BABAM2: variants seen among roughly 807,000 people sequenced by gnomAD.
BABAM2 encodes BRISC and BRCA1-A complex member 2.
BABAM2 carries 31 observed loss-of-function variants against 54.7 expected under a neutral mutation model. That is an observed-to-expected ratio of 0.57 (90% CI 0.43 to 0.77). The LOEUF (loss-of-function observed/expected upper bound fraction) is 0.77, where lower values mean the gene tolerates loss of function less well. Among genes scored for constraint, BABAM2 ranks in the 30% least tolerant of loss-of-function variants. The pLI is 0.00. For synonymous variants in BABAM2, 167 were observed against 162.9 expected (o/e 1.03, Z -0.19); for missense variants, 364 against 455.8 (o/e 0.80, Z 1.83).
intron 11 of BABAM2, among the ~76,000 whole-genome samples, chr2:28,320,458 C>T (rs1689936394): frequency 6.6e-6 from 1 of 152,234 alleles, no homozygotes; most frequent in South Asian, 2.1e-4. Flanking sequence ...GCAGTGGGAG[C>T]CCAGTGAAGT....
At chr2:28,031,845 A>G (rs189635566) in intron 5 of BABAM2, among the ~76,000 whole-genome samples, 1 of 152,200 alleles carries the variant, frequency 6.6e-6, no homozygotes, top group Non-Finnish European at 1.5e-5. Flanking sequence ...TGACTGGGGA[A>G]AACTTAGGGA....
intron 3 of BABAM2, among the ~76,000 whole-genome samples, chr2:27,939,441 AATGC>A (rs1303126324): frequency 6.6e-6 from 1 of 152,248 alleles, no homozygotes; most frequent in Non-Finnish European, 1.5e-5. Flanking sequence ...AAATAGAATG[AATGC>A]ATGCATGCAT....
chr2:27,945,492 C>T (rs955859585), intron 3 of BABAM2, among the ~76,000 whole-genome samples: 2 of 152,136 alleles, frequency 1.3e-5, no homozygotes, highest in East Asian at 1.9e-4. Flanking sequence ...TAGTATAAGT[C>T]CTGTAACTTC....
chr2:28,173,198 C>T (rs1460694714), intron 7 of BABAM2, among the ~76,000 whole-genome samples: 4 of 152,202 alleles, frequency 2.6e-5, no homozygotes, highest in South Asian at 2.1e-4. Flanking sequence ...CATTTCATAA[C>T]ACCTCCCTTG....
intron 7 of BABAM2, among the ~76,000 whole-genome samples, chr2:28,227,695 A>G (rs1220717880): frequency 6.6e-6 from 1 of 152,110 alleles, no homozygotes; most frequent in East Asian, 1.9e-4. Flanking sequence ...TGGGAGGCAC[A>G]TTTGCATTGA....
chr2:27,983,552 T>C (rs1672169968), intron 3 of BABAM2, among the ~76,000 whole-genome samples: 1 of 152,166 alleles, frequency 6.6e-6, no homozygotes, highest in Admixed American at 6.6e-5. Flanking sequence ...TTGGGTTGTG[T>C]TGCCATTTTA....
rs1018785235 is a variant in BABAM2 at position 28,244,812 on chromosome 2, C to T, written c.884C>T (p.Thr295Ile). 1 of 1,613,952 alleles carries T rather than the reference C, an allele frequency of 6.2e-7. No individual in the cohort carries two copies. The highest frequency in any genetic ancestry group is 1.3e-5 in the African/African-American group (1 of 75,004). Residue 295 changes from threonine (T) to isoleucine (I), a missense_variant, in exon 10 of 12, where the codon ACA (threonine) becomes ATA (isoleucine). By Grantham distance (89) the Thr-to-Ile change is moderately conservative. Coordinates refer to ENST00000379624, the MANE Select transcript of BABAM2 (RefSeq NM_199191.3). ...GVVEYDAEGF[T>I]KLTLLLMWKD... Reference sequence around the variant, plus strand: ...GTGGAATATGATGCAGAAGGCTTTACAAAACTCACTCTGCTGCTGATGTGG... The same window carrying T: ...GTGGAATATGATGCAGAAGGCTTTATAAAACTCACTCTGCTGCTGATGTGG...
intron 6 of BABAM2, among the ~76,000 whole-genome samples, chr2:28,085,624 C>T (rs999814899): frequency 1.3e-5 from 2 of 152,118 alleles, no homozygotes; most frequent in Non-Finnish European, 2.9e-5. Context: ...CTAATGACCT[C>T]TCTAAAATTT....
intron 2 of BABAM2, among the ~76,000 whole-genome samples, chr2:27,925,776 C>T (rs2148341364): frequency 6.6e-6 from 1 of 152,306 alleles, no homozygotes. Context: ...CCTCTGTGAC[C>T]CTGTTCGTTC....
At chr2:28,038,779 CA>C (rs1676856635) in intron 5 of BABAM2, among the ~76,000 whole-genome samples, 1 of 152,138 alleles carries the variant, frequency 6.6e-6, no homozygotes, top group African/African-American at 2.4e-5. Flanking sequence ...AAATCCAGTT[CA>C]CCACTGATGG....
At chr2:28,005,473 A>G (rs1317782550) in intron 4 of BABAM2, among the ~76,000 whole-genome samples, 3 of 152,102 alleles carry the variant, frequency 2.0e-5, no homozygotes, top group African/African-American at 7.2e-5. Flanking sequence ...TGCCCTGTGA[A>G]AATTTTCTTT....
chr2:27,959,139 T>C (rs1506536), intron 3 of BABAM2, among the ~76,000 whole-genome samples: 68,305 of 152,006 alleles, frequency 0.45, 15,986 homozygotes, highest in South Asian at 0.65. Flanking sequence ...GTTGCTTCTA[T>C]AAAAGTAAGA....
intron 1 of BABAM2, chr2:27,892,494 G>A (rs1281190306): frequency 6.6e-6 from 1 of 152,168 alleles, no homozygotes; most frequent in African/African-American, 2.4e-5. Context: ...TTTGTACTTA[G>A]CATATGACTT....
intron 6 of BABAM2, among the ~76,000 whole-genome samples, chr2:28,054,769 C>T (rs539976069): frequency 2.0e-5 from 3 of 152,290 alleles, no homozygotes; most frequent in Admixed American, 6.5e-5. Context: ...TTGTTAGCTA[C>T]GCAGTTTATA....
chr2:28,071,230 C>T (rs943831980), intron 6 of BABAM2, among the ~76,000 whole-genome samples: 4 of 152,132 alleles, frequency 2.6e-5, no homozygotes, highest in African/African-American at 4.8e-5. Context: ...GTTTTAAATT[C>T]GATGTCTTTT....
rs1573176561 is a variant in BABAM2, at chr2:27,923,233, A to G, written c.129-6599A>G. On this transcript the variant is annotated intron_variant, in intron 2 of 11. Coordinates refer to ENST00000379624, the MANE Select transcript of BABAM2 (RefSeq NM_199191.3). The stretch of plus-strand genomic sequence containing the variant: ...CACCCTGAATTCTTTCCTTCTGAGA[A>G]GGAGTGAAGTACTTTAAAAGAAAAA... Among the ~76,000 whole-genome samples, 4 of 152,362 alleles carry G rather than the reference A, an allele frequency of 2.6e-5. No individual in the cohort carries two copies. The South Asian group carries it at 8.3e-4, about 32-fold the overall frequency.
chr2:28,235,797 G>C (rs1243574664), intron 7 of BABAM2, among the ~76,000 whole-genome samples: 1 of 152,138 alleles, frequency 6.6e-6, no homozygotes, highest in Non-Finnish European at 1.5e-5. Context: ...TAAGGCTACA[G>C]GTGTGCACCA....
At chr2:28,005,945 C>A (rs1673929753) in intron 4 of BABAM2, among the ~76,000 whole-genome samples, 1 of 151,954 alleles carries the variant, frequency 6.6e-6, no homozygotes, top group Non-Finnish European at 1.5e-5. Context: ...AAAGCATAAC[C>A]AAAATACCAT....
At chr2:27,943,412 A>G (rs1257179832) in intron 3 of BABAM2, among the ~76,000 whole-genome samples, 1 of 152,152 alleles carries the variant, frequency 6.6e-6, no homozygotes, top group Admixed American at 6.5e-5. Flanking sequence ...TACTTCCCAA[A>G]TACCCTGCCT....
Sources: allele counts gnomAD v4.1 joint callset (sites outside exome capture counted in the v4.1 genomes callset), GRCh38; gene constraint gnomAD v4.1.1; transcripts MANE v1.5; gene names NCBI Gene and HGNC (gene_info 2026-07-23, HGNC 2026-07-21).